The following PIK3CD variants were observed in gnomAD, a reference collection of about 807,000 sequenced individuals.
The protein encoded by PIK3CD is phosphatidylinositol-4,5-bisphosphate 3-kinase catalytic subunit delta, also known as phosphatidylinositol 4,5-bisphosphate 3-kinase catalytic subunit delta isoform.
Under a neutral mutation model 122.9 loss-of-function variants are expected in PIK3CD, and 20 were observed. The ratio of observed to expected loss-of-function variants is 0.16; its 90% CI spans 0.11 to 0.24. PIK3CD has a LOEUF of 0.24. Ranked by LOEUF, PIK3CD falls within the 10% of genes least tolerant of loss-of-function variation. PIK3CD has a pLI of 1.00. For synonymous variants in PIK3CD, 596 were observed against 593.4 expected (o/e 1.00, Z -0.06); for missense variants, 787 against 1,406.3 (o/e 0.56, Z 7.04).
intron 2 of PIK3CD, among the ~76,000 whole-genome samples, chr1:9,695,271 A>G (rs978815004): frequency 1.8e-4 from 28 of 152,206 alleles, no homozygotes; most frequent in South Asian, 8.3e-4. Flanking sequence ...CAGGAGACCC[A>G]GCATGCACCA....
Position 9,718,624 on chromosome 1 carries a change from A to G in PIK3CD, c.1021-70A>G. 7.1e-7 allele frequency: 1 copy of G among 1,402,598 alleles called. No individual in the cohort carries two copies. The highest frequency in any genetic ancestry group is 1.0e-6 in the Non-Finnish European group (1 of 1,004,418). The allele number at this position is 1,402,598 out of a possible 1,614,324, so 86.9% of individuals were successfully genotyped here. On this transcript the variant is annotated intron_variant, in intron 8 of 23. Coordinates refer to ENST00000377346, the MANE Select transcript of PIK3CD (RefSeq NM_005026.5). The surrounding 1 kb of genome is among the most constrained non-coding windows in gnomAD (Gnocchi z 7.2). ...CTGAGGACATTCAAGGGGGAGACTG[A>G]CACCTTAAGGGGGAGGGGAGAGGGG...
At chr1:9,698,112 A>C (rs1646489152) in intron 2 of PIK3CD, among the ~76,000 whole-genome samples, 1 of 152,204 alleles carries the variant, frequency 6.6e-6, no homozygotes, top group South Asian at 2.1e-4. Flanking sequence ...AGTTATTATG[A>C]CATCCATATT....
intron 16 of PIK3CD, 43 bp from the exon 17 acceptor site, chr1:9,721,921 GGGCTGGGTCGA>G: frequency 6.2e-7 from 1 of 1,612,724 alleles, no homozygotes; most frequent in Non-Finnish European, 8.5e-7. Flanking sequence ...GGAATCCCCA[GGGCTGGGTCGA>G]GGCTGGGACC....
chr1:9,659,188 T>C (rs1455652709), intron 1 of PIK3CD, among the ~76,000 whole-genome samples: 1 of 151,986 alleles, frequency 6.6e-6, no homozygotes, highest in Non-Finnish European at 1.5e-5. Flanking sequence ...TGGGAGAGCA[T>C]CAGGATAAAT....
Position 9,721,878 on chromosome 1 carries a change from G to T in PIK3CD, c.2055+18G>T, listed in dbSNP as rs778673936. ...TGAAGCAGGTGAGGCCCAAGGCCCT[G>T]GGGGGCGGGCAGGGGGCGGCCCTGA... On this transcript the variant is annotated intron_variant, in intron 16 of 23. Transcript: ENST00000377346. 3.1e-6 allele frequency: 5 copies of T among 1,612,222 alleles called. No homozygotes were observed. In the Admixed American group the frequency reaches 6.7e-5, roughly 22 times the overall value.
chr1:9,728,767 C>CT lies in PIK3CD; in HGVS notation c.*1723dup, dbSNP rs1192006749. Reference sequence around the variant, plus strand: ...GCGTTTCTGGTTTTGGGTGTACAGTCTTGTGTGCCTGGCGAGAAGAATATT... The same window carrying CT: ...GCGTTTCTGGTTTTGGGTGTACAGTCTTTGTGTGCCTGGCGAGAAGAATATT... On this transcript the variant is annotated 3_prime_UTR_variant, in exon 24 of 24. Coordinates refer to ENST00000377346, the MANE Select transcript of PIK3CD (RefSeq NM_005026.5). The CT allele has an allele frequency of 6.6e-6, 1 of 152,240 alleles. No individual in the cohort carries two copies. The highest frequency in any genetic ancestry group is 1.5e-5 in the Non-Finnish European group (1 of 68,050). The allele number at this position is 152,240 out of a possible 1,614,324, so 9.4% of individuals were successfully genotyped here.
At chr1:9,693,091 A>T (rs972022544) in intron 2 of PIK3CD, among the ~76,000 whole-genome samples, 1 of 152,220 alleles carries the variant, frequency 6.6e-6, no homozygotes, top group African/African-American at 2.4e-5. Context: ...TACCAAAAAC[A>T]TACAAGCATA....
In PIK3CD at chr1:9,724,161, C is replaced by T. The variant is rs1268378653; in HGVS notation, c.2718+69C>T. The stretch of plus-strand genomic sequence containing the variant: ...TGGCCCCAGCCTGCTGGCCCCTCTG[C>T]CTAGCACACAGCTCTGTGGCAGGGG... On this transcript the variant is annotated intron_variant, in intron 21 of 23. Transcript: ENST00000377346. This position sits in a 1 kb window ranked among gnomAD's most constrained non-coding sequence, Gnocchi z 7.3. The T allele has an allele frequency of 2.5e-6, 4 of 1,613,618 alleles. No individual in the cohort carries two copies. In the African/African-American group the frequency reaches 5.3e-5, roughly 22 times the overall value.
At chr1:9,703,456 C>T (rs1049464896) in intron 2 of PIK3CD, among the ~76,000 whole-genome samples, 1 of 150,298 alleles carries the variant, frequency 6.7e-6, no homozygotes, top group Non-Finnish European at 1.5e-5. Context: ...AAAAAAAAAC[C>T]AACAAAAACG....
intron 2 of PIK3CD, among the ~76,000 whole-genome samples, chr1:9,696,096 C>T (rs191364636): frequency 1.7e-4 from 26 of 151,806 alleles, no homozygotes; most frequent in Admixed American, 3.3e-4. Flanking sequence ...CTCAGCCCCC[C>T]GAGTAGCTGG....
At chr1:9,636,060 T>G in the PIK3CD span, among the ~76,000 whole-genome samples, 6 of 152,208 alleles carry the variant, frequency 3.9e-5, no homozygotes, top group African/African-American at 7.2e-5. Context: ...GTTAGCAAAA[T>G]GTGAGCAGAC....
At chr1:9,701,199 C>A (rs927804787) in intron 2 of PIK3CD, among the ~76,000 whole-genome samples, 2 of 152,066 alleles carry the variant, frequency 1.3e-5, no homozygotes, top group African/African-American at 2.4e-5. Flanking sequence ...CTTGCTCATG[C>A]CACACCCTCC....
rs537599991 is a variant in PIK3CD at position 9,716,908 on chromosome 1, G to A, written c.781-51G>A. The A allele has an allele frequency of 3.1e-6, 5 of 1,612,532 alleles. No homozygotes were observed. The African/African-American group carries it at 4.0e-5, about 13-fold the overall frequency. ...GGGGTCCTGGGAATCCTGGTGTCCA[G>A]GGAGTGGTTGGGGCCGCCCCACCAG... is the stretch of plus-strand genomic sequence containing the variant. On this transcript the variant is annotated intron_variant, in intron 6 of 23. Coordinates refer to ENST00000377346, the MANE Select transcript of PIK3CD (RefSeq NM_005026.5).
chr1:9,629,934 C>G, the PIK3CD span, among the ~76,000 whole-genome samples: 1 of 152,100 alleles, frequency 6.6e-6, no homozygotes, highest in Non-Finnish European at 1.5e-5. Flanking sequence ...GGAGTGGGGG[C>G]GGAGGCGGAG....
At chr1:9,687,830 T>C (rs1646029842) in intron 1 of PIK3CD, among the ~76,000 whole-genome samples, 1 of 152,166 alleles carries the variant, frequency 6.6e-6, no homozygotes, top group Non-Finnish European at 1.5e-5. Context: ...GTGTGACTTC[T>C]AGGGACGGCC....
chr1:9,716,756 TG>T, intron 6 of PIK3CD, 137 bp downstream of exon 6: 5 of 1,167,080 alleles, frequency 4.3e-6, no homozygotes, highest in Non-Finnish European at 5.0e-6. Flanking sequence ...GAGCATCCCC[TG>T]GTAGGGCTGG....
intron 1 of PIK3CD, among the ~76,000 whole-genome samples, chr1:9,675,525 G>A (rs1289328040): frequency 6.6e-6 from 1 of 152,098 alleles, no homozygotes; most frequent in Admixed American, 6.6e-5. Context: ...GGCAGAGGCT[G>A]CTCCTAACCC....
chr1:9,669,291 T>C (rs574673333), intron 1 of PIK3CD, among the ~76,000 whole-genome samples: 1 of 152,258 alleles, frequency 6.6e-6, no homozygotes, highest in African/African-American at 2.4e-5. Flanking sequence ...ACCTAGTAGT[T>C]GGGACAACAG....
At chr1:9,666,029 CGATT>C (rs1215408680) in intron 1 of PIK3CD, among the ~76,000 whole-genome samples, 2 of 152,062 alleles carry the variant, frequency 1.3e-5, no homozygotes, top group African/African-American at 4.8e-5. Flanking sequence ...TGGCTTCAAG[CGATT>C]CTCCTGCCTC....
Sources: gnomAD v4.1 joint callset for allele counts (sites outside exome capture counted in the v4.1 genomes callset) on GRCh38, gnomAD v4.1.1 for gene constraint, Gnocchi (gnomAD v3.1) non-coding constraint, MANE v1.5 for transcripts, NCBI Gene and HGNC (gene_info 2026-07-23, HGNC 2026-07-21) for gene names.